SMURF2: variants seen among roughly 807,000 people sequenced by gnomAD.
SMURF2 encodes SMAD specific E3 ubiquitin protein ligase 2.
In SMURF2, 48 loss-of-function variants were observed where a neutral mutation model predicts 109.6. That is an observed-to-expected ratio of 0.44 (90% CI 0.35 to 0.56). The LOEUF (loss-of-function observed/expected upper bound fraction) is 0.56, where lower values mean the gene tolerates loss of function less well. Ranked by LOEUF, SMURF2 falls within the 20% of genes least tolerant of loss-of-function variation. SMURF2 has a pLI of 0.01. For missense variants in SMURF2, 575 were observed against 909.0 expected, an observed-to-expected ratio of 0.63 and a Z score of 4.72; for synonymous variants, 288 against 317.1, an observed-to-expected ratio of 0.91 and a Z score of 0.97.
At chr17:64,637,977 G>A (rs1970442635) in intron 1 of SMURF2, among the ~76,000 whole-genome samples, 1 of 145,376 alleles carries the variant, frequency 6.9e-6, no homozygotes, top group African/African-American at 2.6e-5. Context: ...TTTCTTTCTG[G>A]ACTTTCTATT....
intron 15 of SMURF2, among the ~76,000 whole-genome samples, chr17:64,554,237 C>G (rs1555683842): frequency 6.6e-6 from 1 of 152,202 alleles, no homozygotes; most frequent in East Asian, 1.9e-4. Flanking sequence ...TTGTACAGCT[C>G]CTCCTCCATG....
chr17:64,649,712 T>G (rs927786110), intron 1 of SMURF2, among the ~76,000 whole-genome samples: 1 of 151,980 alleles, frequency 6.6e-6, no homozygotes, highest in African/African-American at 2.4e-5. Context: ...GGCATGGTGG[T>G]GCGTGCCTGT....
rs377591815 is a variant in SMURF2, at chr17:64,654,157, T to C, written c.52+7672A>G. On this transcript the variant is annotated intron_variant, in intron 1 of 18. Coordinates refer to ENST00000262435, the MANE Select transcript of SMURF2 (RefSeq NM_022739.4). ...AAGAAATGGGAAGAACATTGCATGA[T>C]TGCAATCATCCACGTGGTAATTCCT... is the stretch of plus-strand genomic sequence containing the variant. 2.6e-5 allele frequency among the ~76,000 whole-genome samples: 4 copies of C among 152,168 alleles called. No individual in the cohort carries two copies. In the East Asian group the frequency reaches 5.8e-4, roughly 22 times the overall value.
At chr17:64,573,458 A>G (rs1364459248) in intron 9 of SMURF2, among the ~76,000 whole-genome samples, 33 of 152,124 alleles carry the variant, frequency 2.2e-4, no homozygotes, top group Admixed American at 2.2e-3. Context: ...ACAGGGACCT[A>G]TATTTGCCAA....
chr17:64,638,039 T>C (rs868975417), intron 1 of SMURF2, among the ~76,000 whole-genome samples: 3 of 146,172 alleles, frequency 2.1e-5, no homozygotes, highest in Middle Eastern at 3.2e-3. Context: ...CACTTTCCCA[T>C]GAGTTTTTTT....
At chr17:64,606,177 CTGGAA>C (rs1555689036) in intron 2 of SMURF2, among the ~76,000 whole-genome samples, 1 of 152,122 alleles carries the variant, frequency 6.6e-6, no homozygotes, top group South Asian at 2.1e-4. Flanking sequence ...TTCCCACACT[CTGGAA>C]ATTCCAAGCA....
chr17:64,579,863 C>A (rs1428107621), intron 8 of SMURF2, among the ~76,000 whole-genome samples: 1 of 152,208 alleles, frequency 6.6e-6, no homozygotes, highest in Non-Finnish European at 1.5e-5. Context: ...GTCTGTCACT[C>A]AAGCCTATAA....
chr17:64,650,618 G>C (rs1247898676), intron 1 of SMURF2, among the ~76,000 whole-genome samples: 1 of 151,776 alleles, frequency 6.6e-6, no homozygotes, highest in Non-Finnish European at 1.5e-5. Context: ...ATCACTTGAG[G>C]TCAGGAGTTC....
At chr17:64,619,346 C>T (rs1350162168) in intron 1 of SMURF2, among the ~76,000 whole-genome samples, 8 of 151,486 alleles carry the variant, frequency 5.3e-5, no homozygotes, top group African/African-American at 1.9e-4. Context: ...GGCATGGTGG[C>T]ATGTGCCTGT....
At chr17:64,631,281 G>GGAGAGAGAGAGAGAGAGA (rs1468147317) in intron 1 of SMURF2, among the ~76,000 whole-genome samples, 1 of 4,414 alleles carries the variant, frequency 2.3e-4, no homozygotes. Context: ...AGGGGGGGGG[G>GGAGAGAGAGAGAGAGAGA]GAGAGAGAGA....
intron 1 of SMURF2, among the ~76,000 whole-genome samples, chr17:64,652,353 T>C (rs1970651913): frequency 6.6e-6 from 1 of 152,244 alleles, no homozygotes; most frequent in African/African-American, 2.4e-5. Context: ...CTCAATTTGT[T>C]TGAAAGCTGC....
intron 9 of SMURF2, 34 bp downstream of exon 9, chr17:64,578,458 G>GATGGTCTAAAGAGTGCTTAAA (rs1555686255): frequency 7.4e-7 from 1 of 1,353,094 alleles, no homozygotes; most frequent in Non-Finnish European, 1.0e-6. Context: ...ATGGCTCTTT[G>GATGGTCTAAAGAGTGCTTAAA]ATGGTCTAAA....
rs565144733 is a variant in SMURF2, at chr17:64,559,294, G to A, written c.1317-1572C>T. On this transcript the variant is annotated intron_variant, in intron 12 of 18. Transcript: ENST00000262435. The stretch of plus-strand genomic sequence containing the variant: ...TCTGCTCAAACCCTGACAGTAGTAA[G>A]GTTAAAAAACAAAAAACTGGGCTGG... 1.1e-4 allele frequency among the ~76,000 whole-genome samples: 16 copies of A among 152,088 alleles called. 1 individual carries two copies. In the South Asian group the frequency reaches 3.3e-3, roughly 32 times the overall value.
chr17:64,630,456 G>C (rs1359825807), intron 1 of SMURF2, among the ~76,000 whole-genome samples: 4 of 152,174 alleles, frequency 2.6e-5, no homozygotes, highest in African/African-American at 9.7e-5. Flanking sequence ...CTCTGCAAGT[G>C]TGCAGAGAGC....
At chr17:64,595,670 G>A (rs1309646999) in intron 3 of SMURF2, among the ~76,000 whole-genome samples, 4 of 152,164 alleles carry the variant, frequency 2.6e-5, no homozygotes, top group Admixed American at 2.0e-4. Context: ...CAAGGGTTTT[G>A]TAAAATGACT....
At chr17:64,619,666 G>T (rs1970177199) in intron 1 of SMURF2, among the ~76,000 whole-genome samples, 1 of 151,938 alleles carries the variant, frequency 6.6e-6, no homozygotes, top group South Asian at 2.1e-4. Context: ...CCGTCTTCCT[G>T]GTTTGCATAC....
intron 15 of SMURF2, among the ~76,000 whole-genome samples, 197 bp from the exon 16 acceptor site, chr17:64,551,901 A>T (rs1331729043): frequency 6.6e-6 from 1 of 152,226 alleles, no homozygotes; most frequent in African/African-American, 2.4e-5. Context: ...TGTTGATGAA[A>T]AGTGGTAAAC....
intron 13 of SMURF2, among the ~76,000 whole-genome samples, 185 bp downstream of exon 13, chr17:64,557,423 C>T (rs1969137947): frequency 6.6e-6 from 1 of 152,092 alleles, no homozygotes; most frequent in Non-Finnish European, 1.5e-5. Flanking sequence ...AATAAACATC[C>T]CTGTTTCCAA....
chr17:64,597,722 G>A (rs1479933056), intron 3 of SMURF2, among the ~76,000 whole-genome samples: 5 of 149,996 alleles, frequency 3.3e-5, no homozygotes, highest in Non-Finnish European at 7.4e-5. Context: ...GCAGTGAGCC[G>A]AGATGGTGCC....
Sources: gnomAD v4.1 joint callset for allele counts (sites outside exome capture counted in the v4.1 genomes callset) on GRCh38, gnomAD v4.1.1 for gene constraint, MANE v1.5 for transcripts, NCBI Gene and HGNC (gene_info 2026-07-23, HGNC 2026-07-21) for gene names.